Variants in NRDC observed in about 807,000 individuals in gnomAD.
NRDC encodes nardilysin convertase, also known as nardilysin.
In NRDC, 54 loss-of-function variants were observed where a neutral mutation model predicts 147.1. That is an observed-to-expected ratio of 0.37 (90% CI 0.29 to 0.46). NRDC has a LOEUF of 0.46. NRDC is among the 20% of genes least tolerant of loss of function. The pLI is 1.00. For synonymous variants in NRDC, 440 were observed against 482.1 expected, an observed-to-expected ratio of 0.91 and a Z score of 1.14; for missense variants, 1,082 against 1,370.6, an observed-to-expected ratio of 0.79 and a Z score of 3.33.
At chr1:51,867,900 G>C (rs1282330271) in intron 1 of NRDC, among the ~76,000 whole-genome samples, 17 of 152,140 alleles carry the variant, frequency 1.1e-4, no homozygotes, top group Admixed American at 1.1e-3. Flanking sequence ...AGGGGATAAA[G>C]AATAAAGAAA....
chr1:51,831,619 C>A (rs189290042), intron 4 of NRDC, among the ~76,000 whole-genome samples: 2 of 151,574 alleles, frequency 1.3e-5, no homozygotes, highest in African/African-American at 4.8e-5. Flanking sequence ...CGGTCCATCA[C>A]CCAGGCTGGA....
At position 51,878,662 on chromosome 1, in the gene NRDC, C is replaced by T; in HGVS notation, c.-47G>A. 1 of 1,528,352 alleles carries T rather than the reference C, an allele frequency of 6.5e-7. No individual in the cohort carries two copies. The highest frequency in any genetic ancestry group is 2.4e-5 in the East Asian group (1 of 42,180). 94.7% of individuals were successfully genotyped at this position (1,528,352 alleles called of 1,614,324 possible). On this transcript the variant is annotated 5_prime_UTR_variant, in exon 1 of 31. Coordinates refer to ENST00000352171, the MANE Select transcript of NRDC (RefSeq NM_001101662.2). ...GGACATCCCGCTTCCCAGGACCCAC[C>T]TCCTCCGCGTTCTAGAGGCGGTGGC...
chr1:51,817,189 G>A (rs1035822573), intron 10 of NRDC, among the ~76,000 whole-genome samples: 4 of 152,050 alleles, frequency 2.6e-5, no homozygotes, highest in Non-Finnish European at 5.9e-5. Flanking sequence ...ACTATGTTAG[G>A]CAATCCTTAA....
At chr1:51,866,840 T>C (rs905967908) in intron 1 of NRDC, among the ~76,000 whole-genome samples, 3 of 152,072 alleles carry the variant, frequency 2.0e-5, no homozygotes, top group African/African-American at 7.2e-5. Flanking sequence ...GTACGGTATA[T>C]ACATGAAATT....
At chr1:51,810,115 C>T (rs1172169705) in intron 16 of NRDC, among the ~76,000 whole-genome samples, 166 bp downstream of exon 16, 3 of 152,056 alleles carry the variant, frequency 2.0e-5, no homozygotes, top group Non-Finnish European at 4.4e-5. Flanking sequence ...ATAAACATAG[C>T]AGAAAATAAC....
chr1:51,847,474 G>A (rs569992064), intron 1 of NRDC, among the ~76,000 whole-genome samples: 27 of 152,374 alleles, frequency 1.8e-4, no homozygotes, highest in African/African-American at 5.0e-4. Context: ...AGACCACGGC[G>A]GGGTGGGAGG....
intron 1 of NRDC, among the ~76,000 whole-genome samples, chr1:51,852,436 T>C (rs76352205): frequency 0.05 from 6,687 of 134,062 alleles, 207 homozygotes; most frequent in Middle Eastern, 0.15. Context: ...TGTATGTATA[T>C]ATAACTATAT....
At position 51,800,486 on chromosome 1, in the gene NRDC, C is replaced by G; in HGVS notation, c.2441+70G>C. 5 of 1,547,964 alleles carry G rather than the reference C, an allele frequency of 3.2e-6. No homozygotes were observed. In the South Asian group the frequency reaches 5.9e-5, roughly 18 times the overall value. On this transcript the variant is annotated intron_variant, in intron 21 of 30. Transcript: ENST00000352171. The stretch of plus-strand genomic sequence containing the variant: ...GCACTGCAACTATAGCCTTAACCCC[C>G]ACACCCACCCACTAGGGAGAGTAAT...
In NRDC at chr1:51,847,018, A is replaced by C. The variant is rs547811533; in HGVS notation, c.342-6504T>G. On this transcript the variant is annotated intron_variant, in intron 1 of 30. Transcript: ENST00000352171. The stretch of plus-strand genomic sequence containing the variant: ...GATTGGTGCATTCACAAACCTTGAG[A>C]TAGACACAGAGTGCCGATTGGTGCA... Among the ~76,000 whole-genome samples, 37 of 140,088 alleles carry C rather than the reference A, an allele frequency of 2.6e-4. No individual in the cohort carries two copies. The East Asian group carries it at 2.9e-3, about 11-fold the overall frequency. The allele number at this position is 140,088 out of a possible 152,430, so 91.9% of individuals were successfully genotyped here. A position where few individuals can be genotyped will look rare whatever the true frequency, so the allele number is the denominator to read the frequency against.
intron 21 of NRDC, among the ~76,000 whole-genome samples, chr1:51,800,247 A>G (rs1237017919): frequency 6.6e-6 from 1 of 152,224 alleles, no homozygotes; most frequent in East Asian, 1.9e-4. Context: ...TGCTGGGATT[A>G]CAGATATAAG....
rs1360465674 is a variant in NRDC at position 51,855,581 on chromosome 1, T to G, written c.342-15067A>C. 2.0e-5 allele frequency among the ~76,000 whole-genome samples: 3 copies of G among 152,182 alleles called. No homozygotes were observed. In the South Asian group the frequency reaches 6.2e-4, roughly 32 times the overall value. ...CAAAATCAAACAGCAAATTGCATAC[T>G]GGGAGGAAAAACTAACAACATGTAA... On this transcript the variant is annotated intron_variant, in intron 1 of 30. Transcript: ENST00000352171.
chr1:51,794,589 C>T lies in NRDC; in HGVS notation c.2658G>A (p.Leu886=), dbSNP rs1337958128. ...GGAACTGCACAGGCATCTCCTGCTC[C>T]AGAGGCTTGAAGTTTAGTTTGCTGC... is the stretch of plus-strand genomic sequence containing the variant. ...YVVDKLNFKP[L]EQEMPVQFQV... is the part of the protein sequence containing the mutation. Residue 886 remains leucine (L), a synonymous_variant, in exon 24 of 31, where the codon CTG becomes CTA. Coordinates refer to ENST00000352171, the MANE Select transcript of NRDC (RefSeq NM_001101662.2). 1.4e-5 allele frequency: 22 copies of T among 1,614,084 alleles called. No individual in the cohort carries two copies. Among genetic ancestry groups the T allele is most frequent in the Admixed American group, 5.0e-5 (3 of 60,006 alleles).
chr1:51,824,416 G>A (rs1046580763), intron 6 of NRDC, among the ~76,000 whole-genome samples: 2 of 152,030 alleles, frequency 1.3e-5, no homozygotes, highest in African/African-American at 2.4e-5. Context: ...GAGCCACCGC[G>A]CCCGGCTATC....
chr1:51,873,922 C>T (rs1419215150), intron 1 of NRDC, among the ~76,000 whole-genome samples: 1 of 151,878 alleles, frequency 6.6e-6, no homozygotes, highest in East Asian at 1.9e-4. Context: ...GGCGTGGTAG[C>T]TCACACCTGT....
intron 1 of NRDC, among the ~76,000 whole-genome samples, chr1:51,845,097 T>C (rs377078057): frequency 9.2e-5 from 14 of 152,316 alleles, no homozygotes; most frequent in African/African-American, 3.4e-4. Context: ...CTCGTTCTCA[T>C]TTACCTCTCC....
At chr1:51,833,594 C>CT (rs1680815388) in intron 4 of NRDC, among the ~76,000 whole-genome samples, 1 of 151,808 alleles carries the variant, frequency 6.6e-6, no homozygotes, top group African/African-American at 2.4e-5. Context: ...AGTTTAACAG[C>CT]TTTTTTCTCC....
chr1:51,829,890 C>T (rs1324224261), intron 4 of NRDC, among the ~76,000 whole-genome samples: 1 of 151,490 alleles, frequency 6.6e-6, no homozygotes, highest in Non-Finnish European at 1.5e-5. Context: ...TGTATCTTTT[C>T]ATTTTACAAA....
chr1:51,853,224 A>T (rs7535118), intron 1 of NRDC, among the ~76,000 whole-genome samples: 80,982 of 148,538 alleles, frequency 0.55, 22,625 homozygotes, highest in East Asian at 0.93. Context: ...TCCAAAAAAA[A>T]ATATATATAT....
chr1:51,796,384 T>C (rs1210845087), intron 22 of NRDC, among the ~76,000 whole-genome samples: 1 of 151,242 alleles, frequency 6.6e-6, no homozygotes, highest in African/African-American at 2.4e-5. Context: ...GATTACAAGA[T>C]GCCCACCACC....
Sources: allele counts gnomAD v4.1 joint callset (sites outside exome capture counted in the v4.1 genomes callset), GRCh38; gene constraint gnomAD v4.1.1; transcripts MANE v1.5; gene names NCBI Gene and HGNC (gene_info 2026-07-23, HGNC 2026-07-21).